The following B3GALT1 variants were observed in gnomAD, a reference collection of about 807,000 sequenced individuals.
B3GALT1 encodes the protein beta-1,3-galactosyltransferase 1.
A neutral mutation model predicts 23.2 loss-of-function variants in B3GALT1; 10 were observed. The ratio of observed to expected loss-of-function variants is 0.43; its 90% CI spans 0.27 to 0.73. The LOEUF (loss-of-function observed/expected upper bound fraction) is 0.73, where lower values mean the gene tolerates loss of function less well. B3GALT1 is among the 30% of genes least tolerant of loss of function. The pLI, the probability that B3GALT1 is intolerant of heterozygous loss-of-function variation, is 0.21. For synonymous variants in B3GALT1, 156 were observed against 141.5 expected, an observed-to-expected ratio of 1.10 and a Z score of -0.73; for missense variants, 299 against 405.4, an observed-to-expected ratio of 0.74 and a Z score of 2.25.
chr2:167,655,269 A>G (rs927145129), intron 3 of B3GALT1, among the ~76,000 whole-genome samples: 3 of 152,152 alleles, frequency 2.0e-5, no homozygotes, highest in African/African-American at 7.2e-5. Flanking sequence ...ATAACATACA[A>G]CTCTAGGGCT....
chr2:167,804,324 CTTTT>C (rs58504746), intron 3 of B3GALT1, among the ~76,000 whole-genome samples: 7 of 147,896 alleles, frequency 4.7e-5, no homozygotes, highest in Admixed American at 2.0e-4. Flanking sequence ...TTGTTTTTTT[CTTTT>C]TTTTTTTAAT....
rs1461093227 is a variant in B3GALT1, at chr2:167,825,145, T to C, written c.-230+6352T>C. 2.0e-5 allele frequency among the ~76,000 whole-genome samples: 3 copies of C among 151,390 alleles called. No homozygotes were observed. In the East Asian group the frequency reaches 5.8e-4, roughly 29 times the overall value. Reference sequence around the variant, plus strand: ...TTAAAAATACAAAAAATTAGCTGGGTGTGGTGGCGGGCACCTGTAGTCCAG... The same window carrying C: ...TTAAAAATACAAAAAATTAGCTGGGCGTGGTGGCGGGCACCTGTAGTCCAG... On this transcript the variant is annotated intron_variant, in intron 4 of 4. Transcript: ENST00000392690.
intron 3 of B3GALT1, among the ~76,000 whole-genome samples, chr2:167,694,595 G>T (rs1364844480): frequency 1.3e-5 from 2 of 151,966 alleles, no homozygotes; most frequent in Non-Finnish European, 2.9e-5. Context: ...AGAAAAAAAA[G>T]TTGGCTAGGC....
intron 3 of B3GALT1, among the ~76,000 whole-genome samples, chr2:167,726,617 T>C (rs1342466495): frequency 6.6e-6 from 1 of 152,248 alleles, no homozygotes; most frequent in East Asian, 1.9e-4. Flanking sequence ...TTATATACTT[T>C]GTCTAGTTGA....
At chr2:167,602,431 A>G (rs1009136164) in intron 2 of B3GALT1, among the ~76,000 whole-genome samples, 4 of 152,186 alleles carry the variant, frequency 2.6e-5, no homozygotes, top group African/African-American at 7.2e-5. Context: ...CTTTAGAAAT[A>G]TGGCTGAGAT....
intron 4 of B3GALT1, among the ~76,000 whole-genome samples, chr2:167,820,849 C>T (rs1009159686): frequency 5.9e-5 from 9 of 152,250 alleles, no homozygotes; most frequent in Non-Finnish European, 8.8e-5. Context: ...TCTCCTTCTA[C>T]TACAGGCTGC....
intron 3 of B3GALT1, among the ~76,000 whole-genome samples, chr2:167,718,172 A>G (rs1433963453): frequency 6.6e-6 from 1 of 152,312 alleles, no homozygotes; most frequent in Admixed American, 6.5e-5. Flanking sequence ...ACAGAAGGTC[A>G]GGAAAGGAAG....
chr2:167,661,326 T>C (rs1320643281), intron 3 of B3GALT1, among the ~76,000 whole-genome samples: 1 of 152,060 alleles, frequency 6.6e-6, no homozygotes, highest in Non-Finnish European at 1.5e-5. Context: ...GCTGAACTGA[T>C]GCTTGAGTTA....
chr2:167,687,329 A>G (rs1686634257), intron 3 of B3GALT1, among the ~76,000 whole-genome samples: 1 of 152,230 alleles, frequency 6.6e-6, no homozygotes, highest in South Asian at 2.1e-4. Flanking sequence ...CTGAAACCAC[A>G]TCTCTAATTT....
At chr2:167,832,721 A>G (rs552358434) in intron 4 of B3GALT1, among the ~76,000 whole-genome samples, 1 of 152,354 alleles carries the variant, frequency 6.6e-6, no homozygotes, top group African/African-American at 2.4e-5. Context: ...TTAACATCAA[A>G]TGGTTAGATT....
chr2:167,665,510 A>C (rs1373044345), intron 3 of B3GALT1, among the ~76,000 whole-genome samples: 1 of 150,528 alleles, frequency 6.6e-6, no homozygotes, highest in Non-Finnish European at 1.5e-5. Context: ...CTCTTTTTCT[A>C]TTGATTGGAA....
chr2:167,714,722 A>C, intron 3 of B3GALT1: 1 of 1,613,920 alleles, frequency 6.2e-7, no homozygotes, highest in Non-Finnish European at 8.5e-7. Context: ...CTTTTGATAA[A>C]AATGAACAGT....
rs938694208 is a variant in B3GALT1, at chr2:167,867,060, G to A, written c.-229-1751G>A. Among the ~76,000 whole-genome samples the A allele has an allele frequency of 7.2e-5, 11 of 151,966 alleles. No homozygotes were observed. The South Asian group carries it at 8.3e-4, about 12-fold the overall frequency. ...TCCTGCCTCAGCCTCCCGAGTAGCT[G>A]GGACTACAGGCACCCGCCACTACGC... On this transcript the variant is annotated intron_variant, in intron 4 of 4. Coordinates refer to ENST00000392690, the MANE Select transcript of B3GALT1 (RefSeq NM_020981.4).
intron 3 of B3GALT1, among the ~76,000 whole-genome samples, chr2:167,766,797 A>G (rs1215331022): frequency 6.6e-6 from 1 of 152,174 alleles, no homozygotes; most frequent in Admixed American, 6.5e-5. Flanking sequence ...GCTTTGGCTA[A>G]CTTTCCCAAA....
intron 3 of B3GALT1, among the ~76,000 whole-genome samples, chr2:167,749,750 A>T (rs1687705805): frequency 6.6e-6 from 1 of 152,216 alleles, no homozygotes; most frequent in African/African-American, 2.4e-5. Context: ...AGATTGTGAC[A>T]TTTAATGCTA....
intron 3 of B3GALT1, among the ~76,000 whole-genome samples, chr2:167,799,451 C>G (rs1455252724): frequency 6.6e-6 from 1 of 152,076 alleles, no homozygotes. Context: ...AGGACATTTT[C>G]AGATTAAAAG....
At chr2:167,516,406 A>G (rs529164056) in intron 2 of B3GALT1, among the ~76,000 whole-genome samples, 3 of 152,136 alleles carry the variant, frequency 2.0e-5, no homozygotes, top group African/African-American at 4.8e-5. Context: ...TATTTCTTCT[A>G]TATCATCCTC....
At chr2:167,542,894 C>A (rs1419926781) in intron 2 of B3GALT1, among the ~76,000 whole-genome samples, 2 of 150,354 alleles carry the variant, frequency 1.3e-5, no homozygotes, top group African/African-American at 4.9e-5. Flanking sequence ...TTTATTTGTA[C>A]CCTATAAGTT....
At chr2:167,544,373 C>T (rs1030902821) in intron 2 of B3GALT1, among the ~76,000 whole-genome samples, 1 of 152,166 alleles carries the variant, frequency 6.6e-6, no homozygotes, top group Non-Finnish European at 1.5e-5. Flanking sequence ...CGGTTCACTG[C>T]AGCCTCCACC....
Sources: gnomAD v4.1 joint callset for allele counts (sites outside exome capture counted in the v4.1 genomes callset) on GRCh38, gnomAD v4.1.1 for gene constraint, MANE v1.5 for transcripts, NCBI Gene and HGNC (gene_info 2026-07-23, HGNC 2026-07-21) for gene names.